Variants in PTBP3 observed in about 807,000 individuals in gnomAD.
PTBP3 encodes the protein polypyrimidine tract binding protein 3.
Under a neutral mutation model 58.7 loss-of-function variants are expected in PTBP3, and 20 were observed. The observed-to-expected ratio is 0.34, with a 90% CI of 0.24 to 0.50. The LOEUF is 0.50. PTBP3 is among the 20% of genes least tolerant of loss of function. The probability of loss-of-function intolerance (pLI) is 0.98; values close to 1 mark genes in which losing one functional copy is unlikely to be tolerated. For synonymous variants in PTBP3, 185 were observed against 219.8 expected, an observed-to-expected ratio of 0.84 and a Z score of 1.40; for missense variants, 509 against 637.2, an observed-to-expected ratio of 0.80 and a Z score of 2.17.
At chr9:112,242,846 T>G (rs1835714141) in intron 7 of PTBP3, 1 of 152,252 alleles carries the variant, frequency 6.6e-6, no homozygotes, top group Non-Finnish European at 1.5e-5. Flanking sequence ...CAACAAATTT[T>G]ACATACAGGA....
the PTBP3 span, among the ~76,000 whole-genome samples, chr9:112,355,015 T>C: frequency 6.6e-6 from 1 of 152,224 alleles, no homozygotes; most frequent in East Asian, 1.9e-4. Context: ...TTTAACATAA[T>C]AGTTATTTAC....
chr9:112,373,651 T>A, the PTBP3 span, among the ~76,000 whole-genome samples: 2 of 152,184 alleles, frequency 1.3e-5, no homozygotes, highest in African/African-American at 4.8e-5. Flanking sequence ...ATAAAGACAA[T>A]AAGATCAGAA....
At chr9:112,267,294 T>G (rs910081037) in intron 4 of PTBP3, among the ~76,000 whole-genome samples, 1 of 151,804 alleles carries the variant, frequency 6.6e-6, no homozygotes, top group African/African-American at 2.4e-5. Flanking sequence ...GCCTCCTGAG[T>G]AGCTGGGACT....
chr9:112,272,131 C>G (rs111563551), intron 3 of PTBP3, among the ~76,000 whole-genome samples: 215 of 151,978 alleles, frequency 1.4e-3, no homozygotes, highest in African/African-American at 5.0e-3. Flanking sequence ...GGCGTGATCT[C>G]AGCTCACTGC....
intron 1 of PTBP3, among the ~76,000 whole-genome samples, chr9:112,302,260 G>A (rs910062737): frequency 6.6e-6 from 1 of 152,032 alleles, no homozygotes; most frequent in Non-Finnish European, 1.5e-5. Flanking sequence ...ACAGCTCAAG[G>A]GAAAGGCAAA....
the PTBP3 span, among the ~76,000 whole-genome samples, chr9:112,370,663 T>C: frequency 6.6e-6 from 1 of 152,234 alleles, no homozygotes; most frequent in African/African-American, 2.4e-5. Flanking sequence ...TCCATTTCTA[T>C]GAATAAAGCT....
chr9:112,222,373 C>CGTG lies in PTBP3; in HGVS notation c.*1475_*1477dup. The CGTG allele has an allele frequency of 1.0e-6, 1 of 985,616 alleles. No individual in the cohort carries two copies. Among genetic ancestry groups the CGTG allele is most frequent in the Non-Finnish European group, 1.2e-6 (1 of 829,830 alleles). 61.1% of individuals were successfully genotyped at this position (985,616 alleles called of 1,614,324 possible). A position where few individuals can be genotyped will look rare whatever the true frequency, so the allele number is the denominator to read the frequency against. On this transcript the variant is annotated 3_prime_UTR_variant, in exon 14 of 14. Transcript: ENST00000374257. ...AACCCACCTTCTCATACTCCAAATA[C>CGTG]GTGGGTACTCAGTAATGAAAGTCAC... is the stretch of plus-strand genomic sequence containing the variant.
chr9:112,240,014 G>A (rs892248458), intron 7 of PTBP3, among the ~76,000 whole-genome samples: 2 of 152,084 alleles, frequency 1.3e-5, no homozygotes, highest in Non-Finnish European at 2.9e-5. Context: ...CAAGTGGAAC[G>A]ATCTGGAGGT....
chr9:112,269,815 T>G (rs1199509085), intron 3 of PTBP3, among the ~76,000 whole-genome samples: 1 of 152,230 alleles, frequency 6.6e-6, no homozygotes, highest in African/African-American at 2.4e-5. Context: ...GGTATAAATC[T>G]TTCGCCTTCT....
chr9:112,376,450 C>T, the PTBP3 span, among the ~76,000 whole-genome samples: 4 of 151,672 alleles, frequency 2.6e-5, no homozygotes, highest in African/African-American at 7.3e-5. Context: ...GATGGGGTTT[C>T]ACCACGTTGG....
At chr9:112,373,589 C>T in the PTBP3 span, among the ~76,000 whole-genome samples, 1 of 152,168 alleles carries the variant, frequency 6.6e-6, no homozygotes, top group African/African-American at 2.4e-5. Flanking sequence ...CAAGTCCACC[C>T]CTTGTCAACT....
At chr9:112,284,136 C>A (rs1206345444) in intron 2 of PTBP3, among the ~76,000 whole-genome samples, 1 of 152,054 alleles carries the variant, frequency 6.6e-6, no homozygotes. Context: ...ATAGTCCCTG[C>A]TGAGGCACTG....
At chr9:112,326,837 T>C (rs1858288449) in intron 1 of PTBP3, among the ~76,000 whole-genome samples, 1 of 152,248 alleles carries the variant, frequency 6.6e-6, no homozygotes, top group African/African-American at 2.4e-5. Context: ...CTTTGATTTA[T>C]CTGGTATAAT....
chr9:112,306,884 G>A (rs1029859661), intron 1 of PTBP3, among the ~76,000 whole-genome samples: 25 of 151,988 alleles, frequency 1.6e-4, no homozygotes, highest in African/African-American at 5.3e-4. Context: ...CCAAAGTGCT[G>A]GCCAAATTTG....
intron 7 of PTBP3, among the ~76,000 whole-genome samples, chr9:112,237,575 AT>A (rs906032092): frequency 2.6e-5 from 4 of 152,210 alleles, no homozygotes; most frequent in African/African-American, 9.6e-5. Flanking sequence ...AAAACGCTCA[AT>A]GAACAAGTAT....
At chr9:112,364,853 A>C in the PTBP3 span, among the ~76,000 whole-genome samples, 3 of 152,108 alleles carry the variant, frequency 2.0e-5, no homozygotes, top group Non-Finnish European at 4.4e-5. Flanking sequence ...ATTACCACTA[A>C]CTAAGTCACT....
chr9:112,268,652 C>T (rs1442050642), intron 3 of PTBP3, among the ~76,000 whole-genome samples: 1 of 139,766 alleles, frequency 7.2e-6, no homozygotes, highest in Admixed American at 8.0e-5. Context: ...GTTGAGGGTG[C>T]AGTGATCCAT....
chr9:112,364,455 C>T, the PTBP3 span, among the ~76,000 whole-genome samples: 2 of 151,996 alleles, frequency 1.3e-5, no homozygotes, highest in African/African-American at 4.8e-5. Context: ...GCCAGGAGTT[C>T]AAGACCAGCT....
At chr9:112,236,240 A>G (rs1471736275) in intron 7 of PTBP3, among the ~76,000 whole-genome samples, 1 of 152,188 alleles carries the variant, frequency 6.6e-6, no homozygotes, top group Non-Finnish European at 1.5e-5. Flanking sequence ...ATTAGCACAG[A>G]GAATTGACAC....
Sources: gnomAD v4.1 joint callset for allele counts (sites outside exome capture counted in the v4.1 genomes callset) on GRCh38, gnomAD v4.1.1 for gene constraint, MANE v1.5 for transcripts, NCBI Gene and HGNC (gene_info 2026-07-23, HGNC 2026-07-21) for gene names.